EPAS1: variants seen among roughly 807,000 people sequenced by gnomAD.
EPAS1 encodes endothelial PAS domain protein 1.
EPAS1 carries 23 observed loss-of-function variants against 87.9 expected under a neutral mutation model. The ratio of observed to expected loss-of-function variants is 0.26; its 90% CI spans 0.19 to 0.37. The LOEUF (loss-of-function observed/expected upper bound fraction) is 0.37, where lower values mean the gene tolerates loss of function less well. Ranked by LOEUF, EPAS1 falls within the 10% of genes least tolerant of loss-of-function variation. The pLI, the probability that EPAS1 is intolerant of heterozygous loss-of-function variation, is 1.00. For missense variants in EPAS1, 1,138 were observed against 1,120.7 expected (o/e 1.02, Z -0.22); for synonymous variants, 508 against 444.3 (o/e 1.14, Z -1.80).
rs939638713 is a variant in EPAS1 at position 46,300,655 on chromosome 2, A to G, written c.26+2718A>G. Among the ~76,000 whole-genome samples the G allele has an allele frequency of 2.0e-5, 3 of 151,874 alleles. No individual in the cohort carries two copies. Among genetic ancestry groups the G allele is most frequent in the African/African-American group, 7.3e-5 (3 of 41,218 alleles). ...GGAATGCCTGAGTCCTTTCACTGGG[A>G]AAAAAATGTGGAAATTCTGGGATTC... On this transcript the variant is annotated intron_variant, in intron 1 of 15. Transcript: ENST00000263734. The surrounding 1 kb of genome is among the most constrained non-coding windows in gnomAD (Gnocchi z 4.1).
At position 46,352,404 on chromosome 2, in the gene EPAS1, A is replaced by G. The variant is rs566641756; in HGVS notation, c.218-3747A>G. Among the ~76,000 whole-genome samples the G allele has an allele frequency of 1.5e-3, 225 of 152,372 alleles. 1 individual carries two copies. The highest frequency in any genetic ancestry group is 5.2e-3 in the African/African-American group (216 of 41,590). On this transcript the variant is annotated intron_variant, in intron 2 of 15. Coordinates refer to ENST00000263734, the MANE Select transcript of EPAS1 (RefSeq NM_001430.5). ...CACACAGTAAGTGACACTTCTGGAC[A>G]GATTACCTTGTGCCTAGCATAAAGC...
intron 1 of EPAS1, among the ~76,000 whole-genome samples, chr2:46,299,668 A>C: frequency 6.6e-6 from 1 of 152,198 alleles, no homozygotes; most frequent in East Asian, 1.9e-4. Flanking sequence ...GCCTGACAGT[A>C]ATCTTGACAA....
chr2:46,333,788 T>C (rs1683734448), intron 1 of EPAS1, among the ~76,000 whole-genome samples: 1 of 150,846 alleles, frequency 6.6e-6, no homozygotes, highest in Non-Finnish European at 1.5e-5. Context: ...GGGGAAAGAG[T>C]GGTGGGCTGG....
Position 46,382,236 on chromosome 2 carries a change from C to T in EPAS1, c.2287+147C>T, listed in dbSNP as rs565290417. 325 of 1,037,588 alleles carry T rather than the reference C, an allele frequency of 3.1e-4. 3 individuals are homozygous for T. The South Asian group carries it at 3.9e-3, about 12-fold the overall frequency. 64.3% of individuals were successfully genotyped at this position (1,037,588 alleles called of 1,614,324 possible). ...ATGGGGCGATGTCCTCTGTCTCTCC[C>T]GCAGTCCCACACACCCAACTTTTCC... On this transcript the variant is annotated intron_variant, in intron 14 of 15. Transcript: ENST00000263734.
chr2:46,336,124 G>A (rs943604975), intron 1 of EPAS1, among the ~76,000 whole-genome samples: 1 of 152,196 alleles, frequency 6.6e-6, no homozygotes, highest in Non-Finnish European at 1.5e-5. Context: ...TGGGGATGGA[G>A]GCCAAGGCAG....
chr2:46,350,246 C>A (rs973715482), intron 2 of EPAS1, among the ~76,000 whole-genome samples: 3 of 152,130 alleles, frequency 2.0e-5, no homozygotes, highest in Non-Finnish European at 4.4e-5. Flanking sequence ...GCAAAACAAC[C>A]CACACATTCA....
Position 46,360,660 on chromosome 2 carries a change from C to G in EPAS1, c.477C>G (p.Ser159Arg), listed in dbSNP as rs778655161. 4 of 1,613,878 alleles carry G rather than the reference C, an allele frequency of 2.5e-6. No individual in the cohort carries two copies. The highest frequency in any genetic ancestry group is 1.1e-5 in the South Asian group (1 of 91,074). The change falls in exon 5 of 16, where the codon AGC becomes AGG. Residue 159 changes from serine (S) to arginine (R), a missense_variant. Physicochemically the swap from Ser to Arg is moderately radical, Grantham distance 110. Coordinates refer to ENST00000263734, the MANE Select transcript of EPAS1 (RefSeq NM_001430.5). The surrounding 1 kb of genome is among the most constrained non-coding windows in gnomAD (Gnocchi z 4.5). ...LKNGSGFGKK[S>R]KDMSTERDFF... ...CAGGCTCTGGTTTTGGGAAAAAAAG[C>G]AAAGACATGTCCACAGAGCGGGACT... is the stretch of plus-strand genomic sequence containing the variant.
intron 1 of EPAS1, among the ~76,000 whole-genome samples, chr2:46,309,868 C>T (rs573723998): frequency 2.4e-4 from 37 of 152,270 alleles, no homozygotes; most frequent in Non-Finnish European, 1.0e-4. Context: ...CAGTGCATGC[C>T]TCTTCTGGCA....
At position 46,382,061 on chromosome 2, in the gene EPAS1, C is replaced by G; in HGVS notation, c.2259C>G (p.Asp753Glu). The stretch of plus-strand genomic sequence containing the variant: ...GTGGGAGCTGCCCTTTGATGCCGGA[C>G]AAGCCACTGAGCGCAAATGTACCCA... ...LRGGSCPLMP[D>E]KPLSANVPND... The change falls in exon 14 of 16, where the codon GAC becomes GAG. Residue 753 changes from aspartate (D) to glutamate (E), a missense_variant. Asp to Glu is a conservative substitution (Grantham distance 45). Coordinates refer to ENST00000263734, the MANE Select transcript of EPAS1 (RefSeq NM_001430.5). The G allele has an allele frequency of 1.3e-6, 2 of 1,592,584 alleles. No homozygotes were observed. Among genetic ancestry groups the G allele is most frequent in the South Asian group, 1.1e-5 (1 of 88,820 alleles).
rs564115153 is a variant in EPAS1, at chr2:46,360,782, G to C, written c.573+26G>C. On this transcript the variant is annotated intron_variant, in intron 5 of 15. Coordinates refer to ENST00000263734, the MANE Select transcript of EPAS1 (RefSeq NM_001430.5). The surrounding 1 kb of genome is among the most constrained non-coding windows in gnomAD (Gnocchi z 4.5). ...GTAGGGCAACATCAGGCCTGGGTTG[G>C]AGTCCCAGGTGTAGGGTAACGGCGG... The C allele has an allele frequency of 1.1e-5, 18 of 1,612,714 alleles. No individual in the cohort carries two copies. The Admixed American group carries it at 1.3e-4, about 12-fold the overall frequency.
intron 7 of EPAS1, among the ~76,000 whole-genome samples, chr2:46,370,770 C>T (rs1012881750): frequency 6.6e-6 from 1 of 152,172 alleles, no homozygotes; most frequent in Non-Finnish European, 1.5e-5. Context: ...TAGAGTGTAT[C>T]CTTGGCCATG....
At chr2:46,336,883 T>C (rs1433560537) in intron 1 of EPAS1, among the ~76,000 whole-genome samples, 1 of 152,256 alleles carries the variant, frequency 6.6e-6, no homozygotes, top group African/African-American at 2.4e-5. Flanking sequence ...AGTGCTGCTC[T>C]GGGTGACTCC....
intron 2 of EPAS1, among the ~76,000 whole-genome samples, chr2:46,353,780 G>T (rs1185204573): frequency 6.6e-6 from 1 of 152,224 alleles, no homozygotes; most frequent in Non-Finnish European, 1.5e-5. Flanking sequence ...TATGGTGTAA[G>T]GTCATTCCCA....
intron 1 of EPAS1, among the ~76,000 whole-genome samples, chr2:46,342,805 C>A (rs1347892054): frequency 6.6e-6 from 1 of 152,178 alleles, no homozygotes; most frequent in East Asian, 1.9e-4. Flanking sequence ...AGAGGTTTTT[C>A]CTGGATGAAC....
intron 7 of EPAS1, among the ~76,000 whole-genome samples, chr2:46,372,090 C>T (rs943611372): frequency 4.6e-5 from 7 of 152,096 alleles, no homozygotes; most frequent in Middle Eastern, 3.2e-3. Flanking sequence ...TTACTGAATC[C>T]GTGTATTTAC....
intron 7 of EPAS1, among the ~76,000 whole-genome samples, chr2:46,370,721 A>C (rs1684610785): frequency 1.3e-5 from 2 of 152,206 alleles, no homozygotes; most frequent in Admixed American, 6.5e-5. Context: ...GTAAATATCC[A>C]CACTTGGCTT....
At position 46,369,116 on chromosome 2, in the gene EPAS1, A is replaced by G. The variant is rs546602170; in HGVS notation, c.780-711A>G. Among the ~76,000 whole-genome samples the G allele has an allele frequency of 4.6e-5, 7 of 152,260 alleles. No homozygotes were observed. In the South Asian group the frequency reaches 1.5e-3, roughly 32 times the overall value. ...TGCCTATTAGAGTATAATAAGGCAC[A>G]TTTCTATGACTATGATTTAATATTT... On this transcript the variant is annotated intron_variant, in intron 6 of 15. Coordinates refer to ENST00000263734, the MANE Select transcript of EPAS1 (RefSeq NM_001430.5).
At chr2:46,366,219 G>C (rs1409428809) in intron 6 of EPAS1, among the ~76,000 whole-genome samples, 2 of 152,264 alleles carry the variant, frequency 1.3e-5, no homozygotes, top group Non-Finnish European at 2.9e-5. Flanking sequence ...TGCCACTTGA[G>C]GTGGCAGCAC....
rs375053685 is a variant in EPAS1 at position 46,375,568 on chromosome 2, C to T, written c.887-122C>T. 12 of 1,239,590 alleles carry T rather than the reference C, an allele frequency of 9.7e-6. No individual in the cohort carries two copies. Among genetic ancestry groups the T allele is most frequent in the Admixed American group, 4.0e-5 (2 of 50,338 alleles). 76.8% of individuals were successfully genotyped at this position (1,239,590 alleles called of 1,614,324 possible). ...GGTCACTCTCCCTGGTCCTCACTGT[C>T]GTGGCGCCCTGTTCTGTCTGTTCCC... On this transcript the variant is annotated intron_variant, in intron 7 of 15. Coordinates refer to ENST00000263734, the MANE Select transcript of EPAS1 (RefSeq NM_001430.5). The surrounding 1 kb of genome is among the most constrained non-coding windows in gnomAD (Gnocchi z 4.1).
Sources: gnomAD v4.1 joint callset for allele counts (sites outside exome capture counted in the v4.1 genomes callset) on GRCh38, gnomAD v4.1.1 for gene constraint, Gnocchi (gnomAD v3.1) non-coding constraint, MANE v1.5 for transcripts, NCBI Gene and HGNC (gene_info 2026-07-23, HGNC 2026-07-21) for gene names.